The following MED16 variants were observed in gnomAD, a reference collection of about 807,000 sequenced individuals.
MED16 encodes the protein mediator complex subunit 16.
In MED16, 81 loss-of-function variants were observed where a neutral mutation model predicts 84.4. The ratio of observed to expected loss-of-function variants is 0.96; its 90% confidence interval spans 0.80 to 1.15. MED16 has a LOEUF of 1.15. Ranked by LOEUF, MED16 falls within the 50% of genes most tolerant of loss-of-function variation. The pLI is 0.00. For synonymous variants in MED16, 897 were observed against 552.2 expected (o/e 1.62, Z -8.76); for missense variants, 1,585 against 1,245.9 (o/e 1.27, Z -4.10).
At chr19:872,175 T>C (rs1283064914) in intron 11 of MED16, 57 bp from the exon 12 acceptor site, 2 of 1,491,126 alleles carry the variant, frequency 1.3e-6, no homozygotes, top group East Asian at 2.3e-5. Context: ...GGCGATGGGA[T>C]GAAGTGTCTT....
At position 868,850 on chromosome 19, in the gene MED16, G is replaced by T; in HGVS notation, c.2399+13C>A. Reference sequence around the variant, plus strand: ...CACATCTCTGGGAGTCAGCGGTTCCGGGGGCCCCTCACCTGGTGCAGGCCT... The same window carrying T: ...CACATCTCTGGGAGTCAGCGGTTCCTGGGGCCCCTCACCTGGTGCAGGCCT... On this transcript the variant is annotated intron_variant, in intron 14 of 15. Transcript: ENST00000325464. 6.5e-7 allele frequency: 1 copy of T among 1,543,376 alleles called. No individual in the cohort carries two copies. Among genetic ancestry groups the T allele is most frequent in the African/African-American group, 1.4e-5 (1 of 73,308 alleles).
intron 1 of MED16, 142 bp downstream of exon 1, chr19:892,944 G>GCGCCCCGCGCCCCGC (rs2036672838): frequency 1.7e-5 from 2 of 117,296 alleles, no homozygotes; most frequent in Non-Finnish European, 3.6e-5. Flanking sequence ...CCGCGCCCCA[G>GCGCCCCGCGCCCCGC]GCCGCCTACC....
Position 890,138 on chromosome 19 carries a change from T to C in MED16, c.276A>G (p.Ser92=), listed in dbSNP as rs1295343970. 3 of 1,546,204 alleles carry C rather than the reference T, an allele frequency of 1.9e-6. No individual in the cohort carries two copies. The highest frequency in any genetic ancestry group is 3.9e-5 in the Admixed American group (2 of 50,802). The part of the protein sequence containing the change: ...EAITCLEWDQ[S]GSRLLSADAD... Reference sequence around the variant, plus strand: ...GGCCACGTGGGACCAGCGCCTCACCTGACTGGTCCCACTCCAGGCAGGTGA... The same window carrying C: ...GGCCACGTGGGACCAGCGCCTCACCCGACTGGTCCCACTCCAGGCAGGTGA... The change falls in exon 3 of 16, where the codon TCA becomes TCG. Residue 92 remains serine, a splice_region_variant and synonymous_variant. Coordinates refer to ENST00000325464, the MANE Select transcript of MED16 (RefSeq NM_005481.3).
At chr19:889,350 G>C (rs1261561175) in intron 4 of MED16, among the ~76,000 whole-genome samples, 1 of 151,860 alleles carries the variant, frequency 6.6e-6, no homozygotes, top group Non-Finnish European at 1.5e-5. Flanking sequence ...TCCAGTGAAA[G>C]AGATAACTCA....
At chr19:871,665 G>A (rs765400605) in intron 12 of MED16, 9 of 1,582,422 alleles carry the variant, frequency 5.7e-6, no homozygotes, top group East Asian at 4.5e-5. Flanking sequence ...GCTAGGAACT[G>A]GGGAAATAGC....
In MED16 at chr19:868,232, G is replaced by A. The variant is rs1236846703; in HGVS notation, c.2503C>T (p.Pro835Ser). The change falls in exon 16 of 16, where the codon CCG becomes TCG. Residue 835 changes from proline (P) to serine (S), a missense_variant. Coordinates refer to ENST00000325464, the MANE Select transcript of MED16 (RefSeq NM_005481.3). ...KNCLAVEGRG[P>S]DACVTSRASE... Reference sequence around the variant, plus strand: ...GCTCTGCTGGTCACGCAGGCGTCCGGCCCACGGCCTTCAACAGCCCTGCAG... The same window carrying A: ...GCTCTGCTGGTCACGCAGGCGTCCGACCCACGGCCTTCAACAGCCCTGCAG... 1 of 1,597,700 alleles carries A rather than the reference G, an allele frequency of 6.3e-7. No individual in the cohort carries two copies. Among genetic ancestry groups the A allele is most frequent in the South Asian group, 1.1e-5 (1 of 89,384 alleles).
chr19:880,088 G>C lies in MED16; in HGVS notation c.1202C>G (p.Thr401Ser), dbSNP rs1315677404. 6.2e-7 allele frequency: 1 copy of C among 1,610,938 alleles called. No individual in the cohort carries two copies. Residue 401 changes from threonine to serine, a missense_variant, in exon 8 of 16, where the codon ACC becomes AGC. Thr to Ser is a moderately conservative substitution (Grantham distance 58). Transcript: ENST00000325464. The part of the protein sequence containing the change: ...VHIVHRLSLQ[T>S]MAVFYSSAAP... ...CGCGGAGCTGTAGAAGACGGCCATG[G>C]TCTGCAGTGAGAGCCGGTGCACGAT...
chr19:876,930 G>A, intron 9 of MED16, 44 bp downstream of exon 9: 1 of 1,511,224 alleles, frequency 6.6e-7, no homozygotes, highest in South Asian at 1.2e-5. Flanking sequence ...ACCTGCCACA[G>A]GGCCCCCACC....
chr19:872,172 G>T, intron 11 of MED16, 54 bp from the exon 12 acceptor site: 2 of 1,502,912 alleles, frequency 1.3e-6, no homozygotes, highest in Non-Finnish European at 1.8e-6. Context: ...GATGGCGATG[G>T]GATGAAGTGT....
chr19:868,304 G>A, intron 15 of MED16, 53 bp from the exon 16 acceptor site: 2 of 1,587,720 alleles, frequency 1.3e-6, no homozygotes, highest in South Asian at 1.1e-5. Flanking sequence ...GGCGAGCGGT[G>A]GCTCTTGCAG....
chr19:868,496 G>C lies in MED16; in HGVS notation c.2403C>G (p.Cys801Trp). 1 of 1,609,978 alleles carries C rather than the reference G, an allele frequency of 6.2e-7. No homozygotes were observed. The highest frequency in any genetic ancestry group is 8.5e-7 in the Non-Finnish European group (1 of 1,179,838). ...PTEECKACTR[C>W]GCVTMLKSPN... ...GCGACTTGAGCATGGTGACACAGCC[G>C]CACCTGCGGGGAGGCAGGCACTGAG... Residue 801 changes from cysteine (C) to tryptophan (W), a missense_variant, in exon 15 of 16, where the codon TGC (cysteine) becomes TGG (tryptophan). Transcript: ENST00000325464.
At chr19:891,263 T>G in intron 1 of MED16, 114 bp from the exon 2 acceptor site, 1 of 1,068,176 alleles carries the variant, frequency 9.4e-7, no homozygotes, top group Non-Finnish European at 1.3e-6. Flanking sequence ...GAACAGCCGA[T>G]GCAAAGGCCC....
rs777459198 is a variant in MED16 at position 884,973 on chromosome 19, G to A, written c.915C>T (p.Ile305=). ...LLCASSQTSS[I]VECWSLRKEG... is the part of the protein sequence containing the mutation. ...CCTTGCGCAGGGACCAGCACTCCACGATGCTGCTGGTCTGGCTGGACGCGC... is the reference window on the plus strand; with the variant it reads ...CCTTGCGCAGGGACCAGCACTCCACAATGCTGCTGGTCTGGCTGGACGCGC... The change falls in exon 6 of 16, where the codon ATC becomes ATT. Residue 305 remains isoleucine (I), a synonymous_variant. Transcript: ENST00000325464. 2.9e-5 allele frequency: 47 copies of A among 1,607,854 alleles called. No homozygotes were observed. The South Asian group carries it at 3.2e-4, about 11-fold the overall frequency.
chr19:872,192 G>A (rs890888127), intron 11 of MED16, 74 bp from the exon 12 acceptor site: 41 of 1,342,918 alleles, frequency 3.1e-5, no homozygotes, highest in Admixed American at 6.5e-5. Flanking sequence ...TCTTGGGGTC[G>A]GTGGAACCCC....
intron 13 of MED16, 52 bp downstream of exon 13, chr19:870,985 G>A: frequency 8.9e-6 from 13 of 1,453,776 alleles, no homozygotes; most frequent in Non-Finnish European, 1.0e-5. Context: ...CCCGGGGCAG[G>A]ACACGGAGGA....
chr19:871,234 C>A lies in MED16; in HGVS notation c.2118G>T (p.Ala706=), dbSNP rs1003125768. 2 of 1,540,240 alleles carry A rather than the reference C, an allele frequency of 1.3e-6. No individual in the cohort carries two copies. The highest frequency in any genetic ancestry group is 1.8e-6 in the Non-Finnish European group (2 of 1,139,252). The change falls in exon 13 of 16, where the codon GCG becomes GCT. Residue 706 remains alanine (A), a synonymous_variant. Coordinates refer to ENST00000325464, the MANE Select transcript of MED16 (RefSeq NM_005481.3). ...CCACCAGCGCCTCGTCCGGCTCGCT[C>A]GCTGGGCCCTCATCGCGACCTGCGG... The part of the protein sequence containing the change: ...LWICCRDEGP[A]SEPDEALVDE...
In MED16 at chr19:890,179, C is replaced by CT; in HGVS notation, c.234dup (p.Glu79ArgfsTer38). 1 of 1,553,812 alleles carries CT rather than the reference C, an allele frequency of 6.4e-7. No homozygotes were observed. ...AGGCAGGTGATGGCCTCGTGGTGCT[C>CT]TGAGGGGATCGAGTGCAGGTCCCAG... On this transcript the variant is annotated frameshift_variant, in exon 3 of 16. Coordinates refer to ENST00000325464, the MANE Select transcript of MED16 (RefSeq NM_005481.3). LOFTEE classifies it high-confidence loss of function.
intron 14 of MED16, 72 bp from the exon 15 acceptor site, chr19:868,571 T>C: frequency 6.4e-7 from 1 of 1,574,622 alleles, no homozygotes; most frequent in African/African-American, 1.3e-5. Flanking sequence ...CCACTTTTGC[T>C]TCCAGGCAGG....
At position 871,191 on chromosome 19, in the gene MED16, G is replaced by A; in HGVS notation, c.2161C>T (p.Pro721Ser). Residue 721 changes from proline to serine, a missense_variant, in exon 13 of 16, where the codon CCC becomes TCC. Physicochemically the swap from Pro to Ser is moderately conservative, Grantham distance 74. Transcript: ENST00000325464. Reference sequence around the variant, plus strand: ...AGGCTGGGGATAAGCAGCTGGCTGGGCAGCAGGCAGCATTCATCCACCAGC... The same window carrying A: ...AGGCTGGGGATAAGCAGCTGGCTGGACAGCAGGCAGCATTCATCCACCAGC... Reference protein sequence around the residue: ...EALVDECCLLPSQLLIPSLDW... With the variant: ...EALVDECCLLSSQLLIPSLDW... 1 of 1,550,010 alleles carries A rather than the reference G, an allele frequency of 6.5e-7. No homozygotes were observed. Among genetic ancestry groups the A allele is most frequent in the Non-Finnish European group, 8.7e-7 (1 of 1,146,706 alleles).
Sources: gnomAD v4.1 joint callset for allele counts (sites outside exome capture counted in the v4.1 genomes callset) on GRCh38, gnomAD v4.1.1 for gene constraint, MANE v1.5 for transcripts, NCBI Gene and HGNC (gene_info 2026-07-23, HGNC 2026-07-21) for gene names.